Variants in ANKRD12 observed in about 807,000 individuals in gnomAD.
ANKRD12 encodes ankyrin repeat domain-containing protein 12.
A neutral mutation model predicts 183.4 loss-of-function variants in ANKRD12; 85 were observed. The observed-to-expected ratio is 0.46, with a 90% confidence interval of 0.39 to 0.56. The LOEUF (loss-of-function observed/expected upper bound fraction) is 0.56. ANKRD12 is among the 20% of genes least tolerant of loss of function. The probability of loss-of-function intolerance (pLI) is 0.00; values close to 1 mark genes in which losing one functional copy is unlikely to be tolerated. For missense variants in ANKRD12, 2,405 were observed against 2,357.1 expected, an observed-to-expected ratio of 1.02 and a Z score of -0.42; for synonymous variants, 914 against 800.2, an observed-to-expected ratio of 1.14 and a Z score of -2.40.
chr18:9,271,210 T>C (rs548010838), intron 10 of ANKRD12, among the ~76,000 whole-genome samples: 1 of 152,242 alleles, frequency 6.6e-6, no homozygotes, highest in South Asian at 2.1e-4. Context: ...TAGCTTGGAC[T>C]ACAAGCATGC....
chr18:9,277,849 C>T (rs142258151), intron 11 of ANKRD12, among the ~76,000 whole-genome samples: 6 of 152,218 alleles, frequency 3.9e-5, no homozygotes, highest in Non-Finnish European at 5.9e-5. Context: ...AAAATAAATG[C>T]GTTTTCCTAG....
intron 1 of ANKRD12, 136 bp downstream of exon 1, chr18:9,137,101 G>A (rs1355622405): frequency 6.6e-6 from 1 of 152,360 alleles, no homozygotes; most frequent in African/African-American, 2.4e-5. Flanking sequence ...AGCAAGGTAG[G>A]GGACGCGCCC....
intron 8 of ANKRD12, among the ~76,000 whole-genome samples, chr18:9,236,441 C>T (rs2037349681): frequency 1.3e-5 from 2 of 152,080 alleles, no homozygotes; most frequent in Admixed American, 1.3e-4. Context: ...TAAGAAAATT[C>T]AAGTACAGCA....
At chr18:9,159,455 G>A (rs2031083275) in intron 1 of ANKRD12, among the ~76,000 whole-genome samples, 1 of 151,878 alleles carries the variant, frequency 6.6e-6, no homozygotes, top group African/African-American at 2.4e-5. Context: ...TTTTTGAGAT[G>A]GAGTCTTGCT....
rs191464160 is a variant in ANKRD12, at chr18:9,213,418, G to A, written c.652+1634G>A. Among the ~76,000 whole-genome samples the A allele has an allele frequency of 1.7e-3, 252 of 152,008 alleles. 4 individuals are homozygous for A. Among genetic ancestry groups the A allele is most frequent in the Admixed American group, 0.016 (240 of 15,248 alleles). ...TTATTTTAAATAGTTAATCATGGATGTACATGAAGATTTAGTTGTAAGGAT... is the reference window on the plus strand; with the variant it reads ...TTATTTTAAATAGTTAATCATGGATATACATGAAGATTTAGTTGTAAGGAT... On this transcript the variant is annotated intron_variant, in intron 6 of 12. Coordinates refer to ENST00000262126, the MANE Select transcript of ANKRD12 (RefSeq NM_015208.5).
At chr18:9,149,372 T>C (rs1445181459) in intron 1 of ANKRD12, among the ~76,000 whole-genome samples, 1 of 152,240 alleles carries the variant, frequency 6.6e-6, no homozygotes, top group East Asian at 1.9e-4. Flanking sequence ...TCATTTTTCT[T>C]GACATTTTAA....
At chr18:9,263,472 T>G (rs1356355584) in intron 9 of ANKRD12, among the ~76,000 whole-genome samples, 1 of 152,230 alleles carries the variant, frequency 6.6e-6, no homozygotes, top group African/African-American at 2.4e-5. Context: ...CTTTTCTGGT[T>G]TTGTGACTCC....
chr18:9,276,338 A>G lies in ANKRD12; in HGVS notation c.5907+671A>G, dbSNP rs2039832593. On this transcript the variant is annotated intron_variant, in intron 11 of 12. Transcript: ENST00000262126. ...TACAAAGGATAATAGGGTATATCAC[A>G]GAAAAATATTTTTAGACTCTTCTGA... Among the ~76,000 whole-genome samples the G allele has an allele frequency of 2.0e-5, 3 of 152,370 alleles. No homozygotes were observed. In the South Asian group the frequency reaches 6.2e-4, roughly 32 times the overall value.
rs764535812 is a variant in ANKRD12 at position 9,256,521 on chromosome 18, G to T, written c.3254G>T (p.Ser1085Ile). ...CAGACAAGTTTTGAACGAATGCTAAGCCTTAAAGACCTAGAAATAGAACAG... is the reference window on the plus strand; with the variant it reads ...CAGACAAGTTTTGAACGAATGCTAATCCTTAAAGACCTAGAAATAGAACAG... The part of the protein sequence containing the change: ...LMQTSFERML[S>I]LKDLEIEQWH... Residue 1085 changes from serine (S) to isoleucine (I), a missense_variant, in exon 9 of 13, where the codon AGC becomes ATC. Ser to Ile is a moderately radical substitution (Grantham distance 142, BLOSUM62 -2). This residue lies in a region of ANKRD12 where 1,983 missense variants were observed against 1,725.9 expected (regional missense o/e 1.15). Coordinates refer to ENST00000262126, the MANE Select transcript of ANKRD12 (RefSeq NM_015208.5). 6.2e-7 allele frequency: 1 copy of T among 1,607,902 alleles called. No individual in the cohort carries two copies. Among genetic ancestry groups the T allele is most frequent in the Non-Finnish European group, 8.5e-7 (1 of 1,178,368 alleles).
At chr18:9,232,564 T>C (rs62085927) in intron 8 of ANKRD12, among the ~76,000 whole-genome samples, 16,820 of 152,220 alleles carry the variant, frequency 0.11, 1,089 homozygotes, top group African/African-American at 0.16. Context: ...CTCTCTGTTA[T>C]TGACTTTAGA....
intron 1 of ANKRD12, among the ~76,000 whole-genome samples, chr18:9,148,945 G>T (rs940899941): frequency 6.6e-6 from 1 of 152,090 alleles, no homozygotes; most frequent in Non-Finnish European, 1.5e-5. Context: ...GTTTTTTGCT[G>T]TTCCTTCATT....
intron 8 of ANKRD12, among the ~76,000 whole-genome samples, chr18:9,251,838 A>G (rs1334076431): frequency 6.6e-6 from 1 of 152,166 alleles, no homozygotes; most frequent in Admixed American, 6.5e-5. Flanking sequence ...TTTTAATAAA[A>G]TGTTTTAACA....
intron 8 of ANKRD12, among the ~76,000 whole-genome samples, chr18:9,225,611 C>T (rs1189995892): frequency 5.3e-5 from 8 of 151,968 alleles, no homozygotes; most frequent in Non-Finnish European, 7.4e-5. Context: ...TCAATGTTTT[C>T]GTCATCACCA....
chr18:9,265,251 C>T (rs1456858250), intron 10 of ANKRD12, among the ~76,000 whole-genome samples: 5 of 152,196 alleles, frequency 3.3e-5, no homozygotes, highest in South Asian at 2.1e-4. Context: ...CTTAAATGTC[C>T]CTGTCTGACA....
intron 8 of ANKRD12, among the ~76,000 whole-genome samples, chr18:9,224,325 C>G (rs2036590728): frequency 1.3e-5 from 2 of 151,792 alleles, no homozygotes; most frequent in African/African-American, 4.8e-5. Context: ...GATTGGAAGA[C>G]AGAGAGAGGG....
At chr18:9,193,129 T>G (rs2034558730) in intron 2 of ANKRD12, among the ~76,000 whole-genome samples, 1 of 150,468 alleles carries the variant, frequency 6.6e-6, no homozygotes, top group Non-Finnish European at 1.5e-5. Context: ...TAAAATTGAG[T>G]ACAGCATTTT....
chr18:9,172,268 T>A (rs916548502), intron 1 of ANKRD12, among the ~76,000 whole-genome samples: 1 of 152,148 alleles, frequency 6.6e-6, no homozygotes, highest in African/African-American at 2.4e-5. Context: ...TGTTGGCCCT[T>A]CTTGCTAGGT....
At chr18:9,177,631 ATTG>A (rs1365674584) in intron 1 of ANKRD12, among the ~76,000 whole-genome samples, 3 of 152,008 alleles carry the variant, frequency 2.0e-5, no homozygotes, top group Non-Finnish European at 2.9e-5. Context: ...TATATGACCT[ATTG>A]TTGTTAATTA....
chr18:9,278,072 G>C (rs181550422), intron 11 of ANKRD12, among the ~76,000 whole-genome samples: 1 of 152,332 alleles, frequency 6.6e-6, no homozygotes, highest in East Asian at 1.9e-4. Context: ...CACATTACCT[G>C]TCTGACATGG....
Sources: gnomAD v4.1 joint callset for allele counts (sites outside exome capture counted in the v4.1 genomes callset) on GRCh38, gnomAD v4.1.1 for gene constraint, gnomAD v4.1.1 regional missense constraint, MANE v1.5 for transcripts, NCBI Gene and HGNC (gene_info 2026-07-23, HGNC 2026-07-21) for gene names.